Variants in ADGRA1 observed in about 807,000 individuals in gnomAD.
ADGRA1 encodes the protein adhesion G protein-coupled receptor A1, also known as G-protein coupled receptor 123.
Under a neutral mutation model 21.3 loss-of-function variants are expected in ADGRA1, and 12 were observed. The ratio of observed to expected loss-of-function variants is 0.56; its 90% CI spans 0.36 to 0.91. The LOEUF (loss-of-function observed/expected upper bound fraction) is 0.91. ADGRA1 is among the 40% of genes least tolerant of loss of function. ADGRA1 has a pLI of 0.01. For synonymous variants in ADGRA1, 385 were observed against 368.8 expected, an observed-to-expected ratio of 1.04 and a Z score of -0.50; for missense variants, 790 against 805.6, an observed-to-expected ratio of 0.98 and a Z score of 0.23.
At chr10:133,099,154 C>A (rs374793730) in intron 4 of ADGRA1, among the ~76,000 whole-genome samples, 203 of 147,102 alleles carry the variant, frequency 1.4e-3, no homozygotes, top group African/African-American at 2.1e-3. Context: ...CCGCCCCTCC[C>A]GGAGAAAGTG....
At chr10:133,103,769 C>T (rs1029103380) in intron 5 of ADGRA1, among the ~76,000 whole-genome samples, 3 of 152,358 alleles carry the variant, frequency 2.0e-5, no homozygotes, top group East Asian at 1.9e-4. Flanking sequence ...GGCCGGAGCT[C>T]GCCAGGGAGC....
intron 5 of ADGRA1, among the ~76,000 whole-genome samples, chr10:133,116,772 C>T (rs1441280564): frequency 6.6e-6 from 1 of 152,136 alleles, no homozygotes; most frequent in African/African-American, 2.4e-5. Flanking sequence ...TTCCTCCATC[C>T]TCTCCTCCTC....
rs1326042082 is a variant in ADGRA1, at chr10:133,131,560, G to C, written c.*2049G>C. On this transcript the variant is annotated 3_prime_UTR_variant, in exon 7 of 7. Transcript: ENST00000392607. Reference sequence around the variant, plus strand: ...GGCAGGGCTGCTCTCCCTGGCCCCTGCAGCCCCTCATGAACTTTCCACCCT... The same window carrying C: ...GGCAGGGCTGCTCTCCCTGGCCCCTCCAGCCCCTCATGAACTTTCCACCCT... 1.3e-5 allele frequency: 2 copies of C among 152,456 alleles called. No homozygotes were observed. The highest frequency in any genetic ancestry group is 4.8e-5 in the African/African-American group (2 of 41,446). 9.4% of individuals were successfully genotyped at this position (152,456 alleles called of 1,614,324 possible). A position where few individuals can be genotyped will look rare whatever the true frequency, so the allele number is the denominator to read the frequency against.
intron 4 of ADGRA1, among the ~76,000 whole-genome samples, chr10:133,100,115 C>T (rs569210231): frequency 6.6e-6 from 1 of 152,350 alleles, no homozygotes; most frequent in Admixed American, 6.5e-5. Flanking sequence ...GCAGAGGAGA[C>T]GTCATGTCTG....
At chr10:133,091,658 C>T (rs1378153032) in intron 2 of ADGRA1, among the ~76,000 whole-genome samples, 4 of 152,196 alleles carry the variant, frequency 2.6e-5, no homozygotes, top group Admixed American at 2.0e-4. Context: ...TCATCAGAGG[C>T]GCTGTTTGCT....
At chr10:133,110,547 G>T (rs1002108146) in intron 5 of ADGRA1, among the ~76,000 whole-genome samples, 1 of 152,246 alleles carries the variant, frequency 6.6e-6, no homozygotes, top group African/African-American at 2.4e-5. Flanking sequence ...GCACAGGGTC[G>T]AATGTTCAGA....
In ADGRA1 at chr10:133,129,109, C is replaced by A; in HGVS notation, c.1281C>A (p.Ser427Arg). 1 of 1,552,398 alleles carries A rather than the reference C, an allele frequency of 6.4e-7. No individual in the cohort carries two copies. Among genetic ancestry groups the A allele is most frequent in the Non-Finnish European group, 8.7e-7 (1 of 1,146,866 alleles). ...LQGRTKPPYF[S>R]RHPAEEPEYA... ...GCAGAACTAAGCCGCCCTACTTTAGCCGGCACCCAGCAGAGGAGCCCGAGT... is the reference window on the plus strand; with the variant it reads ...GCAGAACTAAGCCGCCCTACTTTAGACGGCACCCAGCAGAGGAGCCCGAGT... The change falls in exon 7 of 7, where the codon AGC (serine) becomes AGA (arginine). Residue 427 changes from serine to arginine, a missense_variant. By Grantham distance (110) the Ser-to-Arg change is moderately radical. This residue lies in a region of ADGRA1 where 391 missense variants were observed against 351.5 expected (regional missense o/e 1.11). Coordinates refer to ENST00000392607, the MANE Select transcript of ADGRA1 (RefSeq NM_001083909.3).
At chr10:133,112,899 C>T (rs1488337815) in intron 5 of ADGRA1, among the ~76,000 whole-genome samples, 4 of 122,232 alleles carry the variant, frequency 3.3e-5, no homozygotes, top group African/African-American at 1.3e-4. Context: ...CGCGTCAGTT[C>T]GGTTATTTGG....
Position 133,128,991 on chromosome 10 carries a change from A to T in ADGRA1, c.1163A>T (p.His388Leu). 2 of 1,564,620 alleles carry T rather than the reference A, an allele frequency of 1.3e-6. No homozygotes were observed. The highest frequency in any genetic ancestry group is 1.7e-6 in the Non-Finnish European group (2 of 1,155,438). Residue 388 changes from histidine (H) to leucine (L), a missense_variant, in exon 7 of 7, where the codon CAC becomes CTC. By Grantham distance (99) the His-to-Leu change is moderately conservative. Coordinates refer to ENST00000392607, the MANE Select transcript of ADGRA1 (RefSeq NM_001083909.3). ...SPATPCCAKM[H>L]CEPLTADEAH... ...GCCACCCCGTGCTGCGCCAAGATGC[A>T]CTGCGAGCCACTGACGGCGGACGAG...
At chr10:133,095,906 G>A in intron 2 of ADGRA1, 3 of 1,244,098 alleles carry the variant, frequency 2.4e-6, no homozygotes, top group African/African-American at 1.5e-5. Flanking sequence ...GCCCAGGGCA[G>A]CATCCATGGC....
At position 133,129,671 on chromosome 10, in the gene ADGRA1, T is replaced by C. The variant is rs1241583060; in HGVS notation, c.*160T>C. ...TGATCACACCCCTGCCCCTTCCTTG[T>C]GATCACACCCCTGCCCCTTCCTTGT... On this transcript the variant is annotated 3_prime_UTR_variant, in exon 7 of 7. Transcript: ENST00000392607. The C allele has an allele frequency of 1.7e-5, 6 of 360,524 alleles. No individual in the cohort carries two copies. In the East Asian group the frequency reaches 1.7e-4, roughly 10 times the overall value. 22.3% of individuals were successfully genotyped at this position (360,524 alleles called of 1,614,324 possible).
intron 2 of ADGRA1, among the ~76,000 whole-genome samples, chr10:133,093,440 A>G (rs183098335): frequency 5.4e-4 from 83 of 152,368 alleles, no homozygotes; most frequent in African/African-American, 1.9e-3. Flanking sequence ...AAGAGGAGAC[A>G]CAAATAAGCC....
intron 2 of ADGRA1, among the ~76,000 whole-genome samples, chr10:133,093,511 G>C (rs546415578): frequency 6.6e-6 from 1 of 152,196 alleles, no homozygotes; most frequent in Non-Finnish European, 1.5e-5. Context: ...CTCCGAGGCC[G>C]GCAGATGGGA....
chr10:133,114,164 C>T (rs1427632195), intron 5 of ADGRA1, among the ~76,000 whole-genome samples: 3 of 152,240 alleles, frequency 2.0e-5, no homozygotes, highest in Non-Finnish European at 2.9e-5. Flanking sequence ...AGTGCCCGCA[C>T]ACTTAGCTCC....
intron 5 of ADGRA1, among the ~76,000 whole-genome samples, chr10:133,118,850 A>C (rs1379137728): frequency 6.6e-6 from 1 of 151,402 alleles, no homozygotes; most frequent in Non-Finnish European, 1.5e-5. Flanking sequence ...CCACCTCTTC[A>C]GTGTGCACAC....
At chr10:133,108,261 C>G (rs1456160577) in intron 5 of ADGRA1, among the ~76,000 whole-genome samples, 1 of 152,238 alleles carries the variant, frequency 6.6e-6, no homozygotes, top group African/African-American at 2.4e-5. Flanking sequence ...GCCTCGGGGC[C>G]TCCTGTGGGT....
At chr10:133,110,607 A>C (rs962431914) in intron 5 of ADGRA1, among the ~76,000 whole-genome samples, 1 of 152,250 alleles carries the variant, frequency 6.6e-6, no homozygotes, top group Non-Finnish European at 1.5e-5. Flanking sequence ...GAGAAGAAAG[A>C]AAGCCTGAGA....
chr10:133,110,360 G>T (rs550938130), intron 5 of ADGRA1, among the ~76,000 whole-genome samples: 6 of 152,404 alleles, frequency 3.9e-5, no homozygotes, highest in African/African-American at 1.4e-4. Context: ...GGGAAGGCAG[G>T]TGCTGCCGTC....
At chr10:133,117,560 AGGGCTGGTGCTCCCT>A (rs2135899741) in intron 5 of ADGRA1, among the ~76,000 whole-genome samples, 1 of 152,340 alleles carries the variant, frequency 6.6e-6, no homozygotes, top group East Asian at 1.9e-4. Flanking sequence ...GCACCTGCTC[AGGGCTGGTGCTCCCT>A]GGTCCTACCC....
Sources: allele counts gnomAD v4.1 joint callset (sites outside exome capture counted in the v4.1 genomes callset), GRCh38; gene constraint gnomAD v4.1.1; regional missense constraint gnomAD v4.1.1; transcripts MANE v1.5; gene names NCBI Gene and HGNC (gene_info 2026-07-23, HGNC 2026-07-21).